Variants in JMJD1C observed in about 807,000 individuals in gnomAD.
JMJD1C encodes jumonji domain containing 1C, also known as jumonji domain-containing protein 1C.
A neutral mutation model predicts 245.3 loss-of-function variants in JMJD1C; 31 were observed. The observed-to-expected ratio is 0.13, with a 90% CI of 0.09 to 0.17. JMJD1C has a LOEUF of 0.17. Among genes scored for constraint, JMJD1C ranks in the 10% least tolerant of loss-of-function variants. The pLI is 1.00. For synonymous variants in JMJD1C, 1,057 were observed against 1,017.4 expected (o/e 1.04, Z -0.74); for missense variants, 2,691 against 3,000.2 (o/e 0.90, Z 2.41).
intron 2 of JMJD1C, among the ~76,000 whole-genome samples, chr10:63,331,784 A>C (rs1942180477): frequency 6.6e-6 from 1 of 151,746 alleles, no homozygotes; most frequent in Non-Finnish European, 1.5e-5. Flanking sequence ...CGCCCAACTA[A>C]TTTTTCTGTA....
rs561135971 is a variant in JMJD1C at position 63,248,276 on chromosome 10, C to T, written c.447+16375G>A. The stretch of plus-strand genomic sequence containing the variant: ...AGGAGATCGAGACCAGCCTGACCAA[C>T]ATGGTGGTCAAGTTGCTAACACAGG... On this transcript the variant is annotated intron_variant, in intron 3 of 25. Transcript: ENST00000399262. Among the ~76,000 whole-genome samples, 17 of 152,132 alleles carry T rather than the reference C, an allele frequency of 1.1e-4. No individual in the cohort carries two copies. The South Asian group carries it at 3.3e-3, about 30-fold the overall frequency.
At chr10:63,187,989 A>G (rs1844330150) in intron 18 of JMJD1C, among the ~76,000 whole-genome samples, 1 of 152,170 alleles carries the variant, frequency 6.6e-6, no homozygotes. Context: ...GCAGATAATC[A>G]CACCTACTCA....
At chr10:63,243,124 T>TATATATATATATATATATAA (rs1491362612) in intron 3 of JMJD1C, among the ~76,000 whole-genome samples, 55 of 85,728 alleles carry the variant, frequency 6.4e-4, no homozygotes, top group Non-Finnish European at 1.4e-3. Flanking sequence ...TATATATATA[T>TATATATATATATATATATAA]AAATATATAT....
intron 3 of JMJD1C, among the ~76,000 whole-genome samples, chr10:63,264,009 A>AC (rs1855206185): frequency 7.2e-6 from 1 of 138,218 alleles, no homozygotes; most frequent in Non-Finnish European, 1.6e-5. Flanking sequence ...CACACACACA[A>AC]TTCTGTGAGC....
chr10:63,200,714 C>T (rs1250396791), intron 10 of JMJD1C, 37 bp from the exon 11 acceptor site: 1 of 1,576,716 alleles, frequency 6.3e-7, no homozygotes, highest in African/African-American at 1.4e-5. Flanking sequence ...CAAGATTATG[C>T]TTTGTAAAAA....
chr10:63,470,586 C>T (rs1953459124), upstream of JMJD1C, among the ~76,000 whole-genome samples: 1 of 152,014 alleles, frequency 6.6e-6, no homozygotes, highest in African/African-American at 2.4e-5. Context: ...TAATACAAAC[C>T]CAAAAATGAT....
chr10:63,400,178 C>A (rs1948762035), intron 1 of JMJD1C, among the ~76,000 whole-genome samples: 1 of 152,150 alleles, frequency 6.6e-6, no homozygotes. Context: ...TGGGTTGTTT[C>A]AATCTTTTGC....
chr10:63,282,297 T>C (rs1857504692), intron 2 of JMJD1C, among the ~76,000 whole-genome samples: 2 of 152,234 alleles, frequency 1.3e-5, no homozygotes, highest in African/African-American at 4.8e-5. Flanking sequence ...ATGCAGTATC[T>C]ATTTTTGCAT....
chr10:63,368,297 A>G, intron 2 of JMJD1C, among the ~76,000 whole-genome samples: 1 of 152,228 alleles, frequency 6.6e-6, no homozygotes, highest in East Asian at 1.9e-4. Flanking sequence ...AGTACCCAGA[A>G]GAGTTCCATA....
At chr10:63,367,117 CA>C (rs969535586) in intron 2 of JMJD1C, among the ~76,000 whole-genome samples, 80 of 152,182 alleles carry the variant, frequency 5.3e-4, no homozygotes, top group African/African-American at 1.9e-3. Flanking sequence ...ATATTGAAGC[CA>C]AAACAAAGGT....
chr10:63,464,376 T>C (rs909610547), intron 1 of JMJD1C, among the ~76,000 whole-genome samples: 4 of 152,216 alleles, frequency 2.6e-5, no homozygotes, highest in African/African-American at 9.6e-5. Flanking sequence ...TAAAAAATAT[T>C]AGGTAGATAC....
chr10:63,432,819 A>G (rs1245560650), intron 1 of JMJD1C, among the ~76,000 whole-genome samples: 2 of 152,224 alleles, frequency 1.3e-5, no homozygotes, highest in South Asian at 2.1e-4. Flanking sequence ...CAGAACTTTT[A>G]GATTACACCT....
chr10:63,335,512 G>GT (rs1049813421), intron 2 of JMJD1C, among the ~76,000 whole-genome samples: 10 of 152,092 alleles, frequency 6.6e-5, no homozygotes, highest in Non-Finnish European at 1.2e-4. Context: ...CATCATACTT[G>GT]TTTTTTTGTT....
chr10:63,456,607 A>T (rs943181405), intron 1 of JMJD1C, among the ~76,000 whole-genome samples: 4 of 152,152 alleles, frequency 2.6e-5, no homozygotes, highest in African/African-American at 9.6e-5. Flanking sequence ...GTCTTTCACA[A>T]GAAATGAATT....
chr10:63,323,056 G>C (rs965197793), intron 2 of JMJD1C, among the ~76,000 whole-genome samples: 1 of 151,944 alleles, frequency 6.6e-6, no homozygotes, highest in Admixed American at 6.6e-5. Flanking sequence ...AAAAAGTAGA[G>C]AAGAGAGAAA....
chr10:63,339,340 G>C (rs1371687273), intron 2 of JMJD1C, among the ~76,000 whole-genome samples: 2 of 151,986 alleles, frequency 1.3e-5, no homozygotes, highest in East Asian at 3.8e-4. Flanking sequence ...AGAAAAGTGA[G>C]GGTGACAAAA....
chr10:63,492,495 G>C (rs765232902), intron 1 of JMJD1C, among the ~76,000 whole-genome samples: 48 of 152,228 alleles, frequency 3.2e-4, no homozygotes, highest in Non-Finnish European at 5.3e-4. Context: ...ACAAAACCCT[G>C]TCTCTAATAA....
intron 22 of JMJD1C, among the ~76,000 whole-genome samples, chr10:63,182,406 C>T (rs971872896): frequency 2.0e-5 from 3 of 152,118 alleles, no homozygotes; most frequent in African/African-American, 7.2e-5. Flanking sequence ...GTGTGAGTGA[C>T]AGCAGTAGCA....
rs775487533 is a variant in JMJD1C, at chr10:63,191,092, G to C, written c.6093C>G (p.Thr2031=). The C allele has an allele frequency of 2.5e-6, 4 of 1,612,088 alleles. No homozygotes were observed. In the African/African-American group the frequency reaches 4.0e-5, roughly 16 times the overall value. The stretch of plus-strand genomic sequence containing the variant: ...TTTCTTCTTTAATTTGGTTTTCAAG[G>C]GTAAGTTCTTTGTTTTCTGAAATAG... The part of the protein sequence containing the change: ...REEKKENKEL[T]LENQIKEERE... The change falls in exon 17 of 26, where the codon ACC becomes ACG. Residue 2031 remains threonine, a synonymous_variant. Transcript: ENST00000399262.
Sources: gnomAD v4.1 joint callset for allele counts (sites outside exome capture counted in the v4.1 genomes callset) on GRCh38, gnomAD v4.1.1 for gene constraint, MANE v1.5 for transcripts, NCBI Gene and HGNC (gene_info 2026-07-23, HGNC 2026-07-21) for gene names.